AKAP19: variants seen among roughly 807,000 people sequenced by gnomAD.
AKAP19 encodes A-kinase anchoring protein 19.
the AKAP19 span, among the ~76,000 whole-genome samples, chr2:189,977,343 C>A: frequency 1.3e-5 from 2 of 152,014 alleles, no homozygotes; most frequent in African/African-American, 4.8e-5. Flanking sequence ...TACTTTTTTT[C>A]TTTTTCATCT....
At chr2:189,880,664 C>G in the AKAP19 span, among the ~76,000 whole-genome samples, 1 of 152,202 alleles carries the variant, frequency 6.6e-6, no homozygotes, top group African/African-American at 2.4e-5. Context: ...AAAGGAAGGG[C>G]AGTTTCTTGG....
At chr2:190,039,715 C>T in the AKAP19 span, among the ~76,000 whole-genome samples, 3 of 151,902 alleles carry the variant, frequency 2.0e-5, no homozygotes, top group Admixed American at 2.0e-4. Flanking sequence ...TTGTTTCCTT[C>T]TTTGTCTTCA....
At chr2:190,194,262 A>G in the AKAP19 span, among the ~76,000 whole-genome samples, 1 of 152,144 alleles carries the variant, frequency 6.6e-6, no homozygotes, top group African/African-American at 2.4e-5. Context: ...GTTGGAGCAT[A>G]ATGTTGTTCA....
At chr2:189,892,149 T>C in the AKAP19 span, among the ~76,000 whole-genome samples, 1 of 152,072 alleles carries the variant, frequency 6.6e-6, no homozygotes, top group African/African-American at 2.4e-5. Context: ...TTTTTCATGG[T>C]TCTTAGCGTC....
the AKAP19 span, among the ~76,000 whole-genome samples, chr2:189,940,641 G>A: frequency 6.6e-6 from 1 of 152,004 alleles, no homozygotes; most frequent in South Asian, 2.1e-4. Context: ...AAATATTCAG[G>A]TATTGAAAGG....
chr2:190,157,820 A>C, the AKAP19 span, among the ~76,000 whole-genome samples: 1 of 152,212 alleles, frequency 6.6e-6, no homozygotes, highest in African/African-American at 2.4e-5. Flanking sequence ...TAAGACTTAA[A>C]ATGTAATGCT....
the AKAP19 span, among the ~76,000 whole-genome samples, chr2:190,153,320 G>A: frequency 6.6e-6 from 1 of 151,974 alleles, no homozygotes. Context: ...GTATCTGTTG[G>A]ATTTTTCAGG....
At chr2:190,020,170 G>A in the AKAP19 span, among the ~76,000 whole-genome samples, 1 of 152,064 alleles carries the variant, frequency 6.6e-6, no homozygotes, top group Non-Finnish European at 1.5e-5. Context: ...TTAAATGTCT[G>A]GTGCCTTGGC....
the AKAP19 span, among the ~76,000 whole-genome samples, chr2:190,042,367 C>A: frequency 6.6e-6 from 1 of 151,688 alleles, no homozygotes; most frequent in African/African-American, 2.4e-5. Flanking sequence ...GGTAACATTC[C>A]CTTCATCATT....
the AKAP19 span, among the ~76,000 whole-genome samples, chr2:189,942,532 A>C: frequency 3.3e-5 from 5 of 152,196 alleles, no homozygotes; most frequent in African/African-American, 1.2e-4. Flanking sequence ...GGTACCTCAA[A>C]ATGTGGAAAC....
the AKAP19 span, among the ~76,000 whole-genome samples, chr2:189,933,695 A>C: frequency 1.3e-5 from 2 of 152,296 alleles, no homozygotes; most frequent in South Asian, 4.1e-4. Flanking sequence ...AATACCCAAC[A>C]TTTTTGAAAT....
chr2:189,952,863 ATCT>A, the AKAP19 span, among the ~76,000 whole-genome samples: 1 of 152,174 alleles, frequency 6.6e-6, no homozygotes, highest in African/African-American at 2.4e-5. Context: ...ATGATCATGA[ATCT>A]TCTTTGTAAA....
At chr2:190,053,852 CTA>C in the AKAP19 span, among the ~76,000 whole-genome samples, 2 of 152,114 alleles carry the variant, frequency 1.3e-5, no homozygotes, top group East Asian at 3.9e-4. Flanking sequence ...TAATTATACA[CTA>C]TTTAGCAATA....
chr2:190,123,147 A>G, the AKAP19 span, among the ~76,000 whole-genome samples: 2 of 152,082 alleles, frequency 1.3e-5, no homozygotes, highest in Non-Finnish European at 1.5e-5. Context: ...TAGCATAAGA[A>G]CTTGAATATT....
At chr2:189,981,317 T>C in the AKAP19 span, among the ~76,000 whole-genome samples, 1 of 151,958 alleles carries the variant, frequency 6.6e-6, no homozygotes, top group Non-Finnish European at 1.5e-5. Context: ...AAGTCTGTTT[T>C]ATTTGGTATA....
the AKAP19 span, among the ~76,000 whole-genome samples, chr2:190,161,617 C>A: frequency 6.6e-6 from 1 of 152,088 alleles, no homozygotes; most frequent in South Asian, 2.1e-4. Flanking sequence ...GCTTAGAAAT[C>A]AGTTATAAGA....
At chr2:190,009,676 T>A in the AKAP19 span, among the ~76,000 whole-genome samples, 1 of 152,080 alleles carries the variant, frequency 6.6e-6, no homozygotes, top group Non-Finnish European at 1.5e-5. Flanking sequence ...TTAGGAGAAA[T>A]GTATAAGCTG....
chr2:189,999,460 A>G, the AKAP19 span, among the ~76,000 whole-genome samples: 1 of 152,124 alleles, frequency 6.6e-6, no homozygotes, highest in African/African-American at 2.4e-5. Context: ...GAAAAAAAAG[A>G]TATATTTGGA....
chr2:190,022,342 G>C, the AKAP19 span, among the ~76,000 whole-genome samples: 4 of 152,040 alleles, frequency 2.6e-5, no homozygotes, highest in Non-Finnish European at 5.9e-5. Context: ...AATGGACATG[G>C]GGTGTGTACA....
Sources: allele counts gnomAD v4.1 joint callset (sites outside exome capture counted in the v4.1 genomes callset), GRCh38; gene constraint gnomAD v4.1.1; transcripts MANE v1.5; gene names NCBI Gene and HGNC (gene_info 2026-07-23, HGNC 2026-07-21).